The following PTPRN2 variants were observed in gnomAD, a reference collection of about 807,000 sequenced individuals.
PTPRN2 encodes receptor-type tyrosine-protein phosphatase N2.
PTPRN2 carries 74 observed loss-of-function variants against 118.8 expected under a neutral mutation model. The observed-to-expected ratio is 0.62, with a 90% CI of 0.52 to 0.76. The LOEUF (loss-of-function observed/expected upper bound fraction) is 0.76, where lower values mean the gene tolerates loss of function less well. Ranked by LOEUF, PTPRN2 falls within the 30% of genes least tolerant of loss-of-function variation. The pLI is 0.00. For synonymous variants in PTPRN2, 641 were observed against 608.0 expected, an observed-to-expected ratio of 1.05 and a Z score of -0.80; for missense variants, 1,481 against 1,394.4, an observed-to-expected ratio of 1.06 and a Z score of -0.99.
chr7:157,737,568 C>T (rs572600263), intron 12 of PTPRN2, among the ~76,000 whole-genome samples: 3 of 152,368 alleles, frequency 2.0e-5, no homozygotes, highest in Non-Finnish European at 1.5e-5. Flanking sequence ...AGCAAGTTCC[C>T]ATCCCCTGGC....
intron 3 of PTPRN2, among the ~76,000 whole-genome samples, chr7:158,213,205 CTTGT>C (rs1183812470): frequency 2.0e-4 from 19 of 94,758 alleles, no homozygotes; most frequent in African/African-American, 7.8e-4. Flanking sequence ...TGGCTCTGTG[CTTGT>C]GTGTGTGTGT....
intron 2 of PTPRN2, among the ~76,000 whole-genome samples, chr7:158,424,249 C>T (rs1815500707): frequency 6.6e-6 from 1 of 152,160 alleles, no homozygotes; most frequent in Non-Finnish European, 1.5e-5. Context: ...GCCCGTTCTT[C>T]GGGCTTTATT....
At chr7:158,219,029 A>G (rs1181655844) in intron 3 of PTPRN2, among the ~76,000 whole-genome samples, 1 of 152,170 alleles carries the variant, frequency 6.6e-6, no homozygotes, top group Non-Finnish European at 1.5e-5. Flanking sequence ...ATAGAGGCAG[A>G]AAACAAAGAT....
chr7:158,192,221 A>C, intron 5 of PTPRN2, 106 bp downstream of exon 5: 2 of 1,267,406 alleles, frequency 1.6e-6, no homozygotes, highest in Non-Finnish European at 2.1e-6. Flanking sequence ...TGGCCCGGGA[A>C]ACAGGCGCAA....
intron 12 of PTPRN2, among the ~76,000 whole-genome samples, chr7:157,751,755 G>T (rs963979953): frequency 1.1e-4 from 17 of 149,314 alleles, no homozygotes; most frequent in African/African-American, 3.9e-4. Flanking sequence ...CCAACTGCCC[G>T]CACCCTTTGT....
intron 11 of PTPRN2, among the ~76,000 whole-genome samples, chr7:157,927,177 A>G (rs1481936413): frequency 8.0e-6 from 1 of 125,004 alleles, no homozygotes; most frequent in African/African-American, 3.5e-5. Flanking sequence ...GTCTGAGAGC[A>G]GAGGCCTCGC....
intron 21 of PTPRN2, among the ~76,000 whole-genome samples, chr7:157,549,526 G>C (rs1563203531): frequency 6.6e-6 from 1 of 151,964 alleles, no homozygotes; most frequent in Non-Finnish European, 1.5e-5. Flanking sequence ...CACATTTTGG[G>C]ACTGGGTAAA....
intron 6 of PTPRN2, among the ~76,000 whole-genome samples, chr7:158,139,043 G>A (rs538344369): frequency 2.0e-5 from 3 of 152,156 alleles, no homozygotes; most frequent in Admixed American, 6.6e-5. Flanking sequence ...AGCCACACAG[G>A]GTCAAAGCCT....
chr7:157,590,107 C>A lies in PTPRN2; in HGVS notation c.2496+5131G>T, dbSNP rs1489411255. ...AATGACCAGCAGAGAGGACGGTGGA[C>A]ATGTTTCTTCCTAAGATCTTGATAT... On this transcript the variant is annotated intron_variant, in intron 17 of 22. Coordinates refer to ENST00000389418, the MANE Select transcript of PTPRN2 (RefSeq NM_002847.5). This position sits in a 1 kb window ranked among gnomAD's most constrained non-coding sequence, Gnocchi z 4.0. Among the ~76,000 whole-genome samples, 1 of 152,200 alleles carries A rather than the reference C, an allele frequency of 6.6e-6. No homozygotes were observed. Among genetic ancestry groups the A allele is most frequent in the Admixed American group, 6.5e-5 (1 of 15,282 alleles).
chr7:158,090,652 T>C (rs1814040016), intron 10 of PTPRN2, among the ~76,000 whole-genome samples: 1 of 152,192 alleles, frequency 6.6e-6, no homozygotes, highest in African/African-American at 2.4e-5. Context: ...ATTGCTTGTG[T>C]TCTAGGATAC....
intron 1 of PTPRN2, among the ~76,000 whole-genome samples, chr7:158,492,574 G>A (rs1479018888): frequency 6.6e-6 from 1 of 152,252 alleles, no homozygotes; most frequent in Non-Finnish European, 1.5e-5. Flanking sequence ...AGAAGTGACA[G>A]TGGAAAACCT....
rs960567914 is a variant in PTPRN2 at position 158,133,701 on chromosome 7, C to T, written c.1532G>A (p.Arg511Gln). The T allele has an allele frequency of 2.5e-6, 4 of 1,602,310 alleles. No homozygotes were observed. Among genetic ancestry groups the T allele is most frequent in the Non-Finnish European group, 3.4e-6 (4 of 1,174,618 alleles). The part of the protein sequence containing the change: ...LEVQPSEEEA[R>Q]GYIVTDRDPL... Reference sequence around the variant, plus strand: ...CTCTCTGTCTGTCACGATGTAGCCCCGCGCCTCTTCCTCGGAAGGCTGGAC... The same window carrying T: ...CTCTCTGTCTGTCACGATGTAGCCCTGCGCCTCTTCCTCGGAAGGCTGGAC... Residue 511 changes from arginine (R) to glutamine (Q), a missense_variant, in exon 9 of 23, where the codon CGG (arginine) becomes CAG (glutamine). Physicochemically the swap from Arg to Gln is conservative, Grantham distance 43. Transcript: ENST00000389418.
chr7:158,430,316 G>GGT (rs1420841324), intron 2 of PTPRN2, among the ~76,000 whole-genome samples: 1 of 152,238 alleles, frequency 6.6e-6, no homozygotes, highest in Non-Finnish European at 1.5e-5. Context: ...CATGGGATGA[G>GGT]GTGAGGGAGA....
At chr7:158,545,185 G>C (rs956717698) in intron 1 of PTPRN2, among the ~76,000 whole-genome samples, 5 of 152,218 alleles carry the variant, frequency 3.3e-5, no homozygotes, top group African/African-American at 1.2e-4. Context: ...AAAGGAACTA[G>C]AAGATATAAA....
rs573941308 is a variant in PTPRN2, at chr7:158,279,426, C to T, written c.277+37393G>A. On this transcript the variant is annotated intron_variant, in intron 3 of 22. Transcript: ENST00000389418. ...CTTCACCTCTCACTGGTACTCGCTG[C>T]AGGACTTTGTGGCCCCTAGCCCGGG... Among the ~76,000 whole-genome samples the T allele has an allele frequency of 5.8e-4, 89 of 152,344 alleles. 1 individual carries two copies. Among genetic ancestry groups the T allele is most frequent in the South Asian group, 1.0e-3 (5 of 4,828 alleles).
chr7:158,027,848 G>C (rs1318729117), intron 11 of PTPRN2: 3 of 152,142 alleles, frequency 2.0e-5, no homozygotes, highest in Non-Finnish European at 4.4e-5. Context: ...ACCCCAACAG[G>C]GCCACCGAGG....
In PTPRN2 at chr7:158,453,896, CCGA is replaced by C. The variant is rs1818262164; in HGVS notation, c.163+35836_163+35838del. Among the ~76,000 whole-genome samples, 6 of 81,898 alleles carry C rather than the reference CCGA, an allele frequency of 7.3e-5. No homozygotes were observed. In the East Asian group the frequency reaches 9.3e-4, roughly 13 times the overall value. The allele number at this position is 81,898 out of a possible 152,430, so 53.7% of individuals were successfully genotyped here. On this transcript the variant is annotated intron_variant, in intron 2 of 22. Coordinates refer to ENST00000389418, the MANE Select transcript of PTPRN2 (RefSeq NM_002847.5). The stretch of plus-strand genomic sequence containing the variant: ...AGACAAGACACAATGCACACAATCA[CCGA>C]TGTCAGGATTGGGGACGGTTGCTAT...
At chr7:157,592,539 C>T (rs1193357868) in intron 17 of PTPRN2, among the ~76,000 whole-genome samples, 9 of 151,450 alleles carry the variant, frequency 5.9e-5, no homozygotes, top group South Asian at 2.1e-4. Context: ...GTGTGGACGC[C>T]GAGAGGCTTC....
chr7:157,545,610 A>G (rs1798280106), intron 22 of PTPRN2, among the ~76,000 whole-genome samples: 1 of 151,994 alleles, frequency 6.6e-6, no homozygotes, highest in Admixed American at 6.6e-5. Context: ...CTTCTCTTCT[A>G]AGATGATGGA....
Sources: allele counts gnomAD v4.1 joint callset (sites outside exome capture counted in the v4.1 genomes callset), GRCh38; gene constraint gnomAD v4.1.1; non-coding constraint Gnocchi (gnomAD v3.1); transcripts MANE v1.5; gene names NCBI Gene and HGNC (gene_info 2026-07-23, HGNC 2026-07-21).